Variants in CNTNAP2 observed in about 807,000 individuals in gnomAD.
CNTNAP2 encodes the protein contactin-associated protein-like 2.
CNTNAP2 carries 98 observed loss-of-function variants against 155.2 expected under a neutral mutation model. The observed-to-expected ratio is 0.63, with a 90% confidence interval of 0.54 to 0.75. The LOEUF is 0.75. Ranked by LOEUF, CNTNAP2 falls within the 30% of genes least tolerant of loss-of-function variation. CNTNAP2 has a pLI of 0.00. For missense variants in CNTNAP2, 1,727 were observed against 1,688.1 expected, an observed-to-expected ratio of 1.02 and a Z score of -0.40; for synonymous variants, 651 against 631.2, an observed-to-expected ratio of 1.03 and a Z score of -0.47.
intron 1 of CNTNAP2, among the ~76,000 whole-genome samples, chr7:146,361,111 C>T (rs141933271): frequency 1.2e-3 from 190 of 152,238 alleles, no homozygotes; most frequent in Middle Eastern, 3.4e-3. Flanking sequence ...CCCTTAAGAA[C>T]GACAAATTCC....
intron 8 of CNTNAP2, among the ~76,000 whole-genome samples, chr7:147,193,256 A>G (rs1056322769): frequency 2.6e-5 from 4 of 152,226 alleles, no homozygotes; most frequent in African/African-American, 9.6e-5. Flanking sequence ...GTTTAGTGCT[A>G]TTAGGGAACT....
At chr7:146,347,508 A>T (rs768925037) in intron 1 of CNTNAP2, among the ~76,000 whole-genome samples, 93 of 152,280 alleles carry the variant, frequency 6.1e-4, no homozygotes, top group Non-Finnish European at 7.4e-4. Context: ...AGATTTAAAA[A>T]ATGCTTACAA....
chr7:148,249,292 C>A (rs901760138), intron 20 of CNTNAP2, among the ~76,000 whole-genome samples: 3 of 152,202 alleles, frequency 2.0e-5, no homozygotes, highest in African/African-American at 7.2e-5. Context: ...TTAAAGGCAG[C>A]ATCTGAAACC....
intron 1 of CNTNAP2, among the ~76,000 whole-genome samples, chr7:146,380,801 T>C (rs1341573494): frequency 8.6e-6 from 1 of 116,380 alleles, no homozygotes. Flanking sequence ...TTTTTTTTTT[T>C]TTTTTTTTTT....
intron 2 of CNTNAP2, among the ~76,000 whole-genome samples, chr7:146,832,224 C>T (rs1476009101): frequency 1.3e-5 from 2 of 152,102 alleles, no homozygotes; most frequent in Non-Finnish European, 2.9e-5. Flanking sequence ...AGATAATTCT[C>T]CATTATAGGC....
chr7:147,431,125 A>G (rs568668684), intron 10 of CNTNAP2, among the ~76,000 whole-genome samples: 1 of 152,076 alleles, frequency 6.6e-6, no homozygotes, highest in African/African-American at 2.4e-5. Context: ...CGCAGGTCAT[A>G]TGGTATGACT....
At chr7:147,038,880 G>C (rs1280366731) in intron 3 of CNTNAP2, among the ~76,000 whole-genome samples, 2 of 152,116 alleles carry the variant, frequency 1.3e-5, no homozygotes, top group Non-Finnish European at 2.9e-5. Context: ...CTCTCTAGTA[G>C]ATTTCCCTTC....
At chr7:147,756,256 G>A (rs1797212425) in intron 13 of CNTNAP2, among the ~76,000 whole-genome samples, 1 of 152,132 alleles carries the variant, frequency 6.6e-6, no homozygotes, top group African/African-American at 2.4e-5. Context: ...AATTCTTTTG[G>A]TAGTCTTAGC....
intron 13 of CNTNAP2, among the ~76,000 whole-genome samples, chr7:147,727,774 T>C (rs1203136431): frequency 6.8e-6 from 1 of 146,102 alleles, no homozygotes; most frequent in African/African-American, 2.6e-5. Flanking sequence ...CTGCGCTCAC[T>C]GCACTGGAGT....
intron 9 of CNTNAP2, among the ~76,000 whole-genome samples, chr7:147,371,043 G>C (rs1252696276): frequency 6.6e-6 from 1 of 152,000 alleles, no homozygotes. Flanking sequence ...GTCAATGAAT[G>C]GGTAATTTAA....
intron 22 of CNTNAP2, among the ~76,000 whole-genome samples, chr7:148,399,322 G>A (rs994024339): frequency 6.7e-5 from 10 of 148,852 alleles, no homozygotes; most frequent in Admixed American, 2.6e-4. Context: ...TTAAAAATAC[G>A]TCTAGCCAGG....
intron 20 of CNTNAP2, among the ~76,000 whole-genome samples, chr7:148,255,568 G>T (rs551775852): frequency 3.5e-4 from 54 of 152,194 alleles, no homozygotes; most frequent in South Asian, 1.0e-3. Context: ...AGAAATTTTT[G>T]ATATAAAACA....
intron 1 of CNTNAP2, among the ~76,000 whole-genome samples, chr7:146,559,452 C>A (rs1035001305): frequency 6.6e-6 from 1 of 151,746 alleles, no homozygotes; most frequent in African/African-American, 2.4e-5. Context: ...GCTGTAGTCC[C>A]AGCTACTCGG....
chr7:147,738,155 G>A (rs1261458327), intron 13 of CNTNAP2, among the ~76,000 whole-genome samples: 1 of 152,140 alleles, frequency 6.6e-6, no homozygotes, highest in Admixed American at 6.5e-5. Context: ...CAGCCATCTT[G>A]GAATCGCCCC....
rs1178670733 is a variant in CNTNAP2 at position 148,417,819 on chromosome 7, T to TC, written c.*2206dup. The TC allele has an allele frequency of 6.6e-6, 1 of 152,202 alleles. No individual in the cohort carries two copies. 9.4% of individuals were successfully genotyped at this position (152,202 alleles called of 1,614,324 possible). On this transcript the variant is annotated 3_prime_UTR_variant, in exon 24 of 24. Coordinates refer to ENST00000361727, the MANE Select transcript of CNTNAP2 (RefSeq NM_014141.6). ...CATTGTCTCAACACTTTCCCTTTTT[T>TC]CCCAAAATGAGTAGAGAATTAAAGC... is the stretch of plus-strand genomic sequence containing the variant.
rs1047064851 is a variant in CNTNAP2 at position 147,443,174 on chromosome 7, C to T, written c.1671-42761C>T. Among the ~76,000 whole-genome samples, 2 of 152,136 alleles carry T rather than the reference C, an allele frequency of 1.3e-5. 1 individual carries two copies. Among genetic ancestry groups the T allele is most frequent in the South Asian group, 4.1e-4 (2 of 4,826 alleles). On this transcript the variant is annotated intron_variant, in intron 10 of 23. Coordinates refer to ENST00000361727, the MANE Select transcript of CNTNAP2 (RefSeq NM_014141.6). ...GGCACTTTAGCCAGCAGTAGTGAGGCTTGTGGGAACTCAAGCACTGACCAC... is the reference window on the plus strand; with the variant it reads ...GGCACTTTAGCCAGCAGTAGTGAGGTTTGTGGGAACTCAAGCACTGACCAC...
intron 8 of CNTNAP2, among the ~76,000 whole-genome samples, chr7:147,148,173 G>T (rs1359639996): frequency 6.6e-6 from 1 of 151,782 alleles, no homozygotes; most frequent in African/African-American, 2.4e-5. Context: ...GGCGGATCAT[G>T]AGGTCAGGAG....
chr7:147,097,423 T>C lies in CNTNAP2; in HGVS notation c.551-10724T>C, dbSNP rs780486609. 6 of 152,232 alleles carry C rather than the reference T, an allele frequency of 3.9e-5. No individual in the cohort carries two copies. The South Asian group carries it at 6.2e-4, about 16-fold the overall frequency. The allele number at this position is 152,232 out of a possible 1,614,324, so 9.4% of individuals were successfully genotyped here. ...CACTTTACAAAAGAAAGAGGTTTAA[T>C]GGACTTACAATTCCTCATGGCTAGG... On this transcript the variant is annotated intron_variant, in intron 4 of 23. Coordinates refer to ENST00000361727, the MANE Select transcript of CNTNAP2 (RefSeq NM_014141.6).
chr7:147,866,202 G>A (rs1008948971), intron 13 of CNTNAP2, among the ~76,000 whole-genome samples: 1 of 152,158 alleles, frequency 6.6e-6, no homozygotes, highest in African/African-American at 2.4e-5. Context: ...TTCAGGAGCA[G>A]GTTGTTCAGT....
Sources: allele counts gnomAD v4.1 joint callset (sites outside exome capture counted in the v4.1 genomes callset), GRCh38; gene constraint gnomAD v4.1.1; transcripts MANE v1.5; gene names NCBI Gene and HGNC (gene_info 2026-07-23, HGNC 2026-07-21).